Variants in ZCCHC7 observed in about 807,000 individuals in gnomAD.
The protein encoded by ZCCHC7 is zinc finger CCHC domain-containing protein 7.
Under a neutral mutation model 52.0 loss-of-function variants are expected in ZCCHC7, and 35 were observed. The observed-to-expected ratio is 0.67, with a 90% CI of 0.51 to 0.89. The LOEUF (loss-of-function observed/expected upper bound fraction) is 0.89. ZCCHC7 is among the 40% of genes least tolerant of loss of function. ZCCHC7 has a pLI of 0.00. For missense variants in ZCCHC7, 574 were observed against 649.1 expected, an observed-to-expected ratio of 0.88 and a Z score of 1.26; for synonymous variants, 217 against 221.5, an observed-to-expected ratio of 0.98 and a Z score of 0.18.
chr9:37,270,226 G>A (rs1190946307), intron 2 of ZCCHC7, among the ~76,000 whole-genome samples: 3 of 152,068 alleles, frequency 2.0e-5, no homozygotes, highest in African/African-American at 4.8e-5. Flanking sequence ...CACATTAGTG[G>A]CTTGCATTAC....
chr9:37,293,545 T>A (rs1828636841), intron 2 of ZCCHC7, among the ~76,000 whole-genome samples: 3 of 152,238 alleles, frequency 2.0e-5, no homozygotes, highest in Admixed American at 6.5e-5. Flanking sequence ...ATACATATGG[T>A]ATATTTTCTT....
intron 2 of ZCCHC7, among the ~76,000 whole-genome samples, chr9:37,254,442 C>T (rs978292319): frequency 6.6e-6 from 1 of 151,666 alleles, no homozygotes; most frequent in Admixed American, 6.6e-5. Context: ...TGAGAAGGCT[C>T]ATTGTCATTT....
intron 6 of ZCCHC7, among the ~76,000 whole-genome samples, chr9:37,336,311 C>G (rs1012952007): frequency 4.6e-5 from 7 of 152,174 alleles, no homozygotes; most frequent in East Asian, 1.9e-4. Flanking sequence ...TGTATTCTTT[C>G]AAAGAGCATT....
At chr9:37,143,285 CT>C (rs1843307007) in intron 2 of ZCCHC7, among the ~76,000 whole-genome samples, 1 of 151,656 alleles carries the variant, frequency 6.6e-6, no homozygotes. Flanking sequence ...GATCGAAATA[CT>C]TTTATTCATG....
At chr9:37,123,222 T>C (rs765761565) in intron 1 of ZCCHC7, among the ~76,000 whole-genome samples, 1,092 of 103,832 alleles carry the variant, frequency 0.011, 16 homozygotes, top group South Asian at 0.03. Context: ...TGTGTGTGTG[T>C]GTGCGTGTGC....
intron 2 of ZCCHC7, among the ~76,000 whole-genome samples, chr9:37,213,407 AT>A (rs1287010353): frequency 6.6e-6 from 1 of 152,192 alleles, no homozygotes; most frequent in Non-Finnish European, 1.5e-5. Context: ...TAAATATGTT[AT>A]TTTAAGAAAT....
chr9:37,155,741 A>G (rs1401798216), intron 2 of ZCCHC7, among the ~76,000 whole-genome samples: 1 of 152,172 alleles, frequency 6.6e-6, no homozygotes, highest in African/African-American at 2.4e-5. Context: ...TCTTACCTAA[A>G]ATACACTAAG....
chr9:37,212,179 G>GCA (rs1413429739), intron 2 of ZCCHC7, among the ~76,000 whole-genome samples: 1 of 151,734 alleles, frequency 6.6e-6, no homozygotes, highest in Non-Finnish European at 1.5e-5. Flanking sequence ...GGCGGAGGAG[G>GCA]CACTACTGGC....
intron 2 of ZCCHC7, among the ~76,000 whole-genome samples, chr9:37,254,495 TGTTGACTAGAGAGCTCCAAG>T (rs985513560): frequency 3.3e-5 from 5 of 151,566 alleles, no homozygotes; most frequent in Non-Finnish European, 5.9e-5. Context: ...GAGAGTGGGG[TGTTGACTAGAGAGCTCCAAG>T]TGATAAAATC....
At position 37,305,536 on chromosome 9, in the gene ZCCHC7, C is replaced by G; in HGVS notation, c.781-8C>G. The stretch of plus-strand genomic sequence containing the variant: ...CTGAAGAGATTTTATGTTTTTTTCG[C>G]CACATAGAAAGTTCGTCGCTGCTTC... On this transcript the variant is annotated splice_polypyrimidine_tract_variant and splice_region_variant and intron_variant, in intron 4 of 8. Coordinates refer to ENST00000336755, the MANE Select transcript of ZCCHC7 (RefSeq NM_032226.3). 4 of 1,611,662 alleles carry G rather than the reference C, an allele frequency of 2.5e-6. No homozygotes were observed. Among genetic ancestry groups the G allele is most frequent in the Non-Finnish European group, 3.4e-6 (4 of 1,179,356 alleles).
At chr9:37,198,117 G>C (rs10973249) in intron 2 of ZCCHC7, among the ~76,000 whole-genome samples, 4,028 of 152,162 alleles carry the variant, frequency 0.026, 63 homozygotes, top group Non-Finnish European at 0.037. Context: ...CAACCACTCT[G>C]GCCCTCTTAC....
At chr9:37,310,601 T>TG (rs1460386105) in intron 5 of ZCCHC7, among the ~76,000 whole-genome samples, 1 of 152,208 alleles carries the variant, frequency 6.6e-6, no homozygotes, top group African/African-American at 2.4e-5. Context: ...AAAGCTAAAA[T>TG]GATGCTATAC....
intron 6 of ZCCHC7, among the ~76,000 whole-genome samples, chr9:37,339,227 G>C (rs376725341): frequency 3.3e-5 from 5 of 152,298 alleles, no homozygotes; most frequent in African/African-American, 1.2e-4. Context: ...CCATTAGCTT[G>C]GAGAAAATTC....
chr9:37,296,706 T>A (rs1403404799), intron 2 of ZCCHC7, among the ~76,000 whole-genome samples: 1 of 152,168 alleles, frequency 6.6e-6, no homozygotes, highest in South Asian at 2.1e-4. Context: ...TTACTTACTT[T>A]ATTTATTTAT....
At chr9:37,275,664 C>T (rs1215283992) in intron 2 of ZCCHC7, among the ~76,000 whole-genome samples, 2 of 151,766 alleles carry the variant, frequency 1.3e-5, no homozygotes, top group East Asian at 1.9e-4. Flanking sequence ...TTTTTTGAAA[C>T]GGAGTTTCAC....
At chr9:37,234,696 A>C (rs1825560852) in intron 2 of ZCCHC7, among the ~76,000 whole-genome samples, 1 of 152,224 alleles carries the variant, frequency 6.6e-6, no homozygotes, top group African/African-American at 2.4e-5. Context: ...CTAATAGAGA[A>C]TCCTATGTAC....
intron 2 of ZCCHC7, among the ~76,000 whole-genome samples, chr9:37,176,677 G>A (rs1387680369): frequency 6.6e-6 from 1 of 151,856 alleles, no homozygotes; most frequent in Non-Finnish European, 1.5e-5. Flanking sequence ...AATTAGTAAT[G>A]CTTCTAAATG....
chr9:37,250,300 C>CTTTTT (rs1220457810), intron 2 of ZCCHC7, among the ~76,000 whole-genome samples: 2 of 132,458 alleles, frequency 1.5e-5, no homozygotes, highest in Admixed American at 1.6e-4. Flanking sequence ...CTTTCTCTCT[C>CTTTTT]TTTTTTTTTT....
At chr9:37,326,214 A>C (rs927575302) in intron 5 of ZCCHC7, 3 of 152,170 alleles carry the variant, frequency 2.0e-5, no homozygotes, top group African/African-American at 7.2e-5. Context: ...GTGTGTATAC[A>C]TGTTTATAAA....
Sources: allele counts gnomAD v4.1 joint callset (sites outside exome capture counted in the v4.1 genomes callset), GRCh38; gene constraint gnomAD v4.1.1; transcripts MANE v1.5; gene names NCBI Gene and HGNC (gene_info 2026-07-23, HGNC 2026-07-21).